Variants in AKAP6 observed in about 807,000 individuals in gnomAD.
AKAP6 encodes A-kinase anchoring protein 6.
In AKAP6, 58 loss-of-function variants were observed where a neutral mutation model predicts 188.5. The ratio of observed to expected loss-of-function variants is 0.31; its 90% CI spans 0.25 to 0.38. AKAP6 has a LOEUF of 0.38. AKAP6 is among the 10% of genes least tolerant of loss of function. The pLI is 1.00. For synonymous variants in AKAP6, 989 were observed against 998.6 expected (o/e 0.99, Z 0.18); for missense variants, 2,710 against 2,740.0 (o/e 0.99, Z 0.24).
At chr14:32,583,646 C>G (rs565647089) in intron 5 of AKAP6, among the ~76,000 whole-genome samples, 18 of 152,346 alleles carry the variant, frequency 1.2e-4, no homozygotes, top group African/African-American at 3.1e-4. Context: ...AGCTTCCTGG[C>G]TGCTTTGTTT....
chr14:32,546,264 T>A lies in AKAP6; in HGVS notation c.1611T>A (p.Thr537=). Residue 537 remains threonine, a synonymous_variant, in exon 4 of 14, where the codon ACT becomes ACA. Coordinates refer to ENST00000280979, the MANE Select transcript of AKAP6 (RefSeq NM_004274.5). ...TGCCAAATGGAGAGCTTTCTTATAC[T>A]TCCAAGGCCATAGAGGGGCCACAAA... ...SAVPNGELSY[T]SKAIEGPQTN... 1 of 1,614,196 alleles carries A rather than the reference T, an allele frequency of 6.2e-7. No individual in the cohort carries two copies. Among genetic ancestry groups the A allele is most frequent in the Non-Finnish European group, 8.5e-7 (1 of 1,180,030 alleles).
chr14:32,573,921 G>A (rs949613059), intron 4 of AKAP6, among the ~76,000 whole-genome samples: 1 of 152,094 alleles, frequency 6.6e-6, no homozygotes, highest in Non-Finnish European at 1.5e-5. Flanking sequence ...CTTGATAGGG[G>A]GAGAGTACCT....
At chr14:32,540,188 A>ATTTT (rs1279336983) in intron 3 of AKAP6, among the ~76,000 whole-genome samples, 14 of 132,392 alleles carry the variant, frequency 1.1e-4, no homozygotes, top group African/African-American at 1.4e-4. Flanking sequence ...ATATATATAT[A>ATTTT]TATATTTTAA....
At chr14:32,502,177 G>A (rs1024660591) in intron 2 of AKAP6, among the ~76,000 whole-genome samples, 2 of 152,126 alleles carry the variant, frequency 1.3e-5, no homozygotes, top group South Asian at 4.1e-4. Context: ...GTGCTTAGAA[G>A]AATAGTAACA....
At chr14:32,604,206 C>T (rs1307802032) in intron 7 of AKAP6, among the ~76,000 whole-genome samples, 1 of 152,238 alleles carries the variant, frequency 6.6e-6, no homozygotes, top group East Asian at 1.9e-4. Context: ...TTTCATGTCA[C>T]ATTATGTGCA....
In AKAP6 at chr14:32,574,378, A is replaced by G. The variant is rs1884631175; in HGVS notation, c.2347-2742A>G. On this transcript the variant is annotated intron_variant, in intron 4 of 13. Transcript: ENST00000280979. ...GGGATACACAGAGGTGCCATCCGGA[A>G]ATGTTCACCCAGGACCAATGGGTTT... 2.0e-5 allele frequency among the ~76,000 whole-genome samples: 3 copies of G among 152,288 alleles called. No individual in the cohort carries two copies. In the South Asian group the frequency reaches 6.2e-4, roughly 32 times the overall value.
chr14:32,401,392 G>T (rs1015573517), intron 1 of AKAP6, among the ~76,000 whole-genome samples: 12 of 152,200 alleles, frequency 7.9e-5, no homozygotes, highest in Non-Finnish European at 1.6e-4. Context: ...GAGTGCCGAA[G>T]CAAGTTCATT....
At position 32,489,369 on chromosome 14, in the gene AKAP6, T is replaced by G. The variant is rs181045859; in HGVS notation, c.325-46185T>G. Among the ~76,000 whole-genome samples, 586 of 152,108 alleles carry G rather than the reference T, an allele frequency of 3.9e-3. 8 individuals are homozygous for G. Among genetic ancestry groups the G allele is most frequent in the Admixed American group, 2.8e-3 (43 of 15,272 alleles). Reference sequence around the variant, plus strand: ...GACTCCAGGCAGATGCCACCACGTCTAGCTAATTTTTAAAATTTTTTATAG... The same window carrying G: ...GACTCCAGGCAGATGCCACCACGTCGAGCTAATTTTTAAAATTTTTTATAG... On this transcript the variant is annotated intron_variant, in intron 2 of 13. Coordinates refer to ENST00000280979, the MANE Select transcript of AKAP6 (RefSeq NM_004274.5).
intron 1 of AKAP6, among the ~76,000 whole-genome samples, chr14:32,400,578 A>AAAAAAAAAAAAAAAAC (rs1889053677): frequency 6.7e-6 from 1 of 150,344 alleles, no homozygotes; most frequent in South Asian, 2.1e-4. Context: ...AAAAAAAAAA[A>AAAAAAAAAAAAAAAAC]AGACAGTAAG....
chr14:32,673,904 GA>G (rs923553034), intron 7 of AKAP6, among the ~76,000 whole-genome samples: 5 of 151,954 alleles, frequency 3.3e-5, no homozygotes, highest in Admixed American at 6.6e-5. Context: ...AAAAGAGACA[GA>G]AAAAAATGTA....
intron 4 of AKAP6, among the ~76,000 whole-genome samples, chr14:32,564,102 G>T (rs75052073): frequency 6.6e-6 from 1 of 151,944 alleles, no homozygotes; most frequent in African/African-American, 2.4e-5. Flanking sequence ...TTATCACTAG[G>T]TTACTTGTAA....
At chr14:32,358,087 T>C (rs1282685129) in intron 1 of AKAP6, among the ~76,000 whole-genome samples, 1 of 152,194 alleles carries the variant, frequency 6.6e-6, no homozygotes, top group East Asian at 1.9e-4. Context: ...AAAGAGGGCA[T>C]CAAAGAGCAC....
chr14:32,761,272 C>G (rs1018764020), intron 11 of AKAP6, among the ~76,000 whole-genome samples: 4 of 152,104 alleles, frequency 2.6e-5, no homozygotes, highest in Admixed American at 6.6e-5. Context: ...TGACTCTCTT[C>G]CTGCATTCTT....
intron 7 of AKAP6, among the ~76,000 whole-genome samples, chr14:32,610,197 G>C (rs1407664534): frequency 1.3e-5 from 2 of 152,118 alleles, no homozygotes; most frequent in Non-Finnish European, 2.9e-5. Flanking sequence ...TCCAAACGGA[G>C]TAGATAATCA....
chr14:32,355,619 A>G (rs1427624481), intron 1 of AKAP6, among the ~76,000 whole-genome samples: 4 of 152,236 alleles, frequency 2.6e-5, no homozygotes, highest in African/African-American at 4.8e-5. Flanking sequence ...TATTAACACA[A>G]TAGACAAGAT....
chr14:32,416,113 A>T (rs942328946), intron 1 of AKAP6, among the ~76,000 whole-genome samples: 12 of 152,302 alleles, frequency 7.9e-5, no homozygotes, highest in African/African-American at 2.9e-4. Flanking sequence ...TGTTTGAGGA[A>T]CTGCCATACT....
intron 12 of AKAP6, among the ~76,000 whole-genome samples, chr14:32,786,615 C>T (rs1408769653): frequency 6.6e-6 from 1 of 152,064 alleles, no homozygotes; most frequent in Non-Finnish European, 1.5e-5. Context: ...TGAGCCACAG[C>T]ACCCAGCCTA....
intron 1 of AKAP6, among the ~76,000 whole-genome samples, chr14:32,356,233 T>G (rs1277556304): frequency 2.0e-5 from 3 of 152,334 alleles, no homozygotes; most frequent in South Asian, 2.1e-4. Flanking sequence ...TCCTCAGCAG[T>G]CCTAGGACTC....
At chr14:32,455,025 G>T (rs942411518) in intron 2 of AKAP6, among the ~76,000 whole-genome samples, 58 of 150,202 alleles carry the variant, frequency 3.9e-4, no homozygotes, top group African/African-American at 1.4e-3. Context: ...GAATGTGGTA[G>T]CATGACCATG....
Sources: allele counts gnomAD v4.1 joint callset (sites outside exome capture counted in the v4.1 genomes callset), GRCh38; gene constraint gnomAD v4.1.1; transcripts MANE v1.5; gene names NCBI Gene and HGNC (gene_info 2026-07-23, HGNC 2026-07-21).